PFKP: variants seen among roughly 807,000 people sequenced by gnomAD.
PFKP encodes ATP-dependent 6-phosphofructokinase, platelet type.
In PFKP, 101 loss-of-function variants were observed where a neutral mutation model predicts 94.3. That is an observed-to-expected ratio of 1.07 (90% CI 0.91 to 1.26). The LOEUF (loss-of-function observed/expected upper bound fraction) is 1.26. Ranked by LOEUF, PFKP falls within the 50% of genes most tolerant of loss-of-function variation. The probability of loss-of-function intolerance (pLI) is 0.00; values close to 1 mark genes in which losing one functional copy is unlikely to be tolerated. For synonymous variants in PFKP, 573 were observed against 432.6 expected, an observed-to-expected ratio of 1.32 and a Z score of -4.03; for missense variants, 1,145 against 1,103.3, an observed-to-expected ratio of 1.04 and a Z score of -0.53.
intron 10 of PFKP, 151 bp from the exon 11 acceptor site, chr10:3,112,071 G>C: frequency 1.5e-6 from 1 of 659,082 alleles, no homozygotes; most frequent in Non-Finnish European, 2.8e-6. Context: ...CTTGGCGGCC[G>C]GTCGTCTAGA....
Position 3,082,221 on chromosome 10 carries a change from T to A in PFKP, c.113-167T>A, listed in dbSNP as rs111815884. On this transcript the variant is annotated intron_variant, in intron 1 of 21. Coordinates refer to ENST00000381125, the MANE Select transcript of PFKP (RefSeq NM_002627.5). ...GGTACCTTGCGTTACGTTGGCTGTT[T>A]CTTTTAGTCCTTACCCTAATCCCAG... Among the ~76,000 whole-genome samples, 394 of 152,244 alleles carry A rather than the reference T, an allele frequency of 2.6e-3. 3 individuals are homozygous for A. The highest frequency in any genetic ancestry group is 9.0e-3 in the African/African-American group (374 of 41,522).
intron 16 of PFKP, among the ~76,000 whole-genome samples, chr10:3,121,560 G>A (rs1324863430): frequency 6.7e-6 from 1 of 148,652 alleles, no homozygotes. Context: ...TTAATTCCAG[G>A]GTCCTCTGCT....
At chr10:3,073,179 G>C (rs1002416380) in intron 1 of PFKP, among the ~76,000 whole-genome samples, 6 of 151,884 alleles carry the variant, frequency 4.0e-5, no homozygotes, top group African/African-American at 1.5e-4. Context: ...CCCTGGTCCT[G>C]CTGTCTGGGT....
At chr10:3,135,180 C>CT (rs1839096600) in intron 20 of PFKP, among the ~76,000 whole-genome samples, 1 of 152,152 alleles carries the variant, frequency 6.6e-6, no homozygotes, top group Non-Finnish European at 1.5e-5. Context: ...GTGCCAGCAT[C>CT]TTTCTCACCC....
At chr10:3,107,133 G>A in intron 7 of PFKP, 81 bp from the exon 8 acceptor site, 1 of 871,032 alleles carries the variant, frequency 1.1e-6, no homozygotes, top group Non-Finnish European at 1.9e-6. Flanking sequence ...TTCAGTTTGA[G>A]ACAGACTTCT....
intron 1 of PFKP, among the ~76,000 whole-genome samples, chr10:3,082,095 C>T (rs1192595771): frequency 6.8e-6 from 1 of 146,546 alleles, no homozygotes; most frequent in Non-Finnish European, 1.5e-5. Context: ...TGCAAATAAA[C>T]CCCTATTCTG....
chr10:3,100,928 A>C, intron 3 of PFKP: 13 of 1,604,364 alleles, frequency 8.1e-6, no homozygotes, highest in Non-Finnish European at 1.0e-5. Context: ...CAGGTGCTGT[A>C]AGGGGTGACT....
intron 3 of PFKP, chr10:3,100,878 AAAAAT>A (rs758210076): frequency 8.5e-6 from 10 of 1,172,044 alleles, no homozygotes; most frequent in South Asian, 1.3e-5. Context: ...AAAAAAAAAA[AAAAAT>A]CCCCCTGGCC....
chr10:3,122,803 A>C (rs760788580), intron 16 of PFKP, among the ~76,000 whole-genome samples: 30 of 152,054 alleles, frequency 2.0e-4, no homozygotes, highest in Non-Finnish European at 3.7e-4. Flanking sequence ...AGGGGTGGTG[A>C]TTTTGCCCCA....
rs11251721 is a variant in PFKP, at chr10:3,108,706, C to T, written c.876C>T (p.Val292=). The change falls in exon 9 of 22, where the codon GTC becomes GTT. Residue 292 remains valine, a synonymous_variant. Transcript: ENST00000381125. ...AACGAGATGTTTCCTTGCAGCTTGT[C>T]GTCACGCAGCTGGGCTATGACACAC... ...PITSEKIKEL[V]VTQLGYDTRV... 0.18 allele frequency: 294,292 copies of T among 1,610,356 alleles called. 28,281 individuals are homozygous for T. The highest frequency in any genetic ancestry group is 0.22 in the Admixed American group (13,298 of 60,006).
At chr10:3,090,748 GCGAA>G (rs745620130) in intron 2 of PFKP, among the ~76,000 whole-genome samples, 1 of 152,054 alleles carries the variant, frequency 6.6e-6, no homozygotes, top group Non-Finnish European at 1.5e-5. Flanking sequence ...TCCAACATCG[GCGAA>G]CGTCCTATGG....
intron 16 of PFKP, among the ~76,000 whole-genome samples, chr10:3,122,737 T>C (rs1484156044): frequency 6.6e-6 from 1 of 152,194 alleles, no homozygotes; most frequent in Non-Finnish European, 1.5e-5. Flanking sequence ...GGTCTGTAGA[T>C]GGCTCCAGTA....
At chr10:3,105,533 G>T (rs769743295) in intron 7 of PFKP, 32 bp downstream of exon 7, 2 of 1,436,054 alleles carry the variant, frequency 1.4e-6, no homozygotes, top group Admixed American at 1.7e-5. Flanking sequence ...TTGATAGCGG[G>T]CGATGCTGGC....
intron 2 of PFKP, among the ~76,000 whole-genome samples, chr10:3,087,044 C>A (rs1277955679): frequency 6.6e-6 from 1 of 152,026 alleles, no homozygotes; most frequent in South Asian, 2.1e-4. Flanking sequence ...GTGATCTCAG[C>A]TCACTGCAAC....
intron 1 of PFKP, among the ~76,000 whole-genome samples, chr10:3,077,150 G>A (rs1832656843): frequency 6.6e-6 from 1 of 152,016 alleles, no homozygotes; most frequent in African/African-American, 2.4e-5. Flanking sequence ...GTGGCTCAGT[G>A]CTGTGAGAGA....
At chr10:3,069,358 C>T (rs756241196) in intron 1 of PFKP, 2 of 1,589,710 alleles carry the variant, frequency 1.3e-6, no homozygotes, top group Non-Finnish European at 1.7e-6. Context: ...TAGCCTGGCC[C>T]GCGTGACTTA....
At chr10:3,084,623 C>T (rs944562528) in intron 2 of PFKP, among the ~76,000 whole-genome samples, 2 of 151,956 alleles carry the variant, frequency 1.3e-5, no homozygotes. Flanking sequence ...CCTGCCTGGA[C>T]CCTGGCCCTG....
chr10:3,105,013 C>A, intron 5 of PFKP, 102 bp from the exon 6 acceptor site: 1 of 1,127,184 alleles, frequency 8.9e-7, no homozygotes. Context: ...TGTCAAAGCC[C>A]CTTTTCTCTG....
At chr10:3,082,678 A>C (rs932269133) in intron 2 of PFKP, among the ~76,000 whole-genome samples, 6 of 152,166 alleles carry the variant, frequency 3.9e-5, no homozygotes, top group African/African-American at 1.4e-4. Context: ...GTTAGGCAAG[A>C]GGAGAAAGGA....
Sources: gnomAD v4.1 joint callset for allele counts (sites outside exome capture counted in the v4.1 genomes callset) on GRCh38, gnomAD v4.1.1 for gene constraint, MANE v1.5 for transcripts, NCBI Gene and HGNC (gene_info 2026-07-23, HGNC 2026-07-21) for gene names.